Variants in MICALL2 observed in about 807,000 individuals in gnomAD.
MICALL2 encodes the protein MICAL like 2, also known as MICAL-like protein 2.
A neutral mutation model predicts 91.1 loss-of-function variants in MICALL2; 111 were observed. That is an observed-to-expected ratio of 1.22 (90% CI 1.04 to 1.43). The LOEUF (loss-of-function observed/expected upper bound fraction) is 1.43, where lower values mean the gene tolerates loss of function less well. Among genes scored for constraint, MICALL2 ranks in the 40% most tolerant of loss-of-function variants. The pLI, the probability that MICALL2 is intolerant of heterozygous loss-of-function variation, is 0.00. For missense variants in MICALL2, 1,556 were observed against 1,236.0 expected, an observed-to-expected ratio of 1.26 and a Z score of -3.88; for synonymous variants, 694 against 525.3, an observed-to-expected ratio of 1.32 and a Z score of -4.39.
In MICALL2 at chr7:1,445,293, C is replaced by A; in HGVS notation, c.777G>T (p.Gln259His). ...TGGAATCCACACCCATGGCCCCTGG[C>A]TGTCGGGGGACCAGACCCGTCAACT... ...SPKLTGLVPR[Q>H]PGAMGVDSRT... Residue 259 changes from glutamine (Q) to histidine (H), a missense_variant, in exon 6 of 17, where the codon CAG becomes CAT. Transcript: ENST00000297508. The A allele has an allele frequency of 6.2e-7, 1 of 1,612,198 alleles. No individual in the cohort carries two copies. The highest frequency in any genetic ancestry group is 8.5e-7 in the Non-Finnish European group (1 of 1,179,814).
chr7:1,443,403 G>A (rs79010981), intron 6 of MICALL2, among the ~76,000 whole-genome samples: 94 of 152,226 alleles, frequency 6.2e-4, no homozygotes, highest in African/African-American at 1.7e-3. Context: ...TGCACCCCAC[G>A]ATACGGGGCA....
At position 1,436,725 on chromosome 7, in the gene MICALL2, C is replaced by T. The variant is rs749678561; in HGVS notation, c.2591+17G>A. 20 of 1,586,624 alleles carry T rather than the reference C, an allele frequency of 1.3e-5. No homozygotes were observed. The highest frequency in any genetic ancestry group is 2.7e-5 in the African/African-American group (2 of 74,170). On this transcript the variant is annotated intron_variant, in intron 15 of 16. Coordinates refer to ENST00000297508, the MANE Select transcript of MICALL2 (RefSeq NM_182924.4). ...ACCTGGCCTGGCTGGGAGGGGCCCC[C>T]GGCACCTGCCCCTCACCGGAGCCGG...
At chr7:1,435,685 G>A (rs1457476116) in intron 15 of MICALL2, among the ~76,000 whole-genome samples, 1 of 152,290 alleles carries the variant, frequency 6.6e-6, no homozygotes, top group Non-Finnish European at 1.5e-5. Context: ...AGACGAGACA[G>A]GAAAGCTGTC....
At chr7:1,446,938 G>A in intron 4 of MICALL2, 110 bp from the exon 5 acceptor site, 1 of 771,936 alleles carries the variant, frequency 1.3e-6, no homozygotes, top group Admixed American at 2.7e-5. Context: ...GAACTGGCCA[G>A]GAGAGGAGCC....
intron 9 of MICALL2, 66 bp downstream of exon 9, chr7:1,439,859 G>A: frequency 1.2e-5 from 16 of 1,352,904 alleles, no homozygotes; most frequent in Non-Finnish European, 1.5e-5. Flanking sequence ...CCAGTCCCGG[G>A]GCCCCCACCC....
intron 8 of MICALL2, 194 bp from the exon 9 acceptor site, chr7:1,440,279 G>A (rs1780216344): frequency 1.4e-6 from 1 of 696,328 alleles, no homozygotes; most frequent in African/African-American, 1.8e-5. Context: ...ACCTGCCGTG[G>A]TGCGAAGCAG....
chr7:1,455,917 ACCTCAGAGCTGC>A (rs907680774), intron 1 of MICALL2, among the ~76,000 whole-genome samples: 1 of 151,818 alleles, frequency 6.6e-6, no homozygotes, highest in African/African-American at 2.4e-5. Flanking sequence ...ACAGAGTCTG[ACCTCAGAGCTGC>A]CCTGAGAGGA....
intron 14 of MICALL2, 40 bp from the exon 15 acceptor site, chr7:1,436,896 T>C (rs746021465): frequency 4.2e-6 from 6 of 1,414,484 alleles, no homozygotes; most frequent in Non-Finnish European, 5.7e-6. Context: ...CCCCCACCAC[T>C]GCCATGCCCC....
rs1251323456 is a variant in MICALL2 at position 1,439,986 on chromosome 7, G to A, written c.1905C>T (p.Thr635=). The A allele has an allele frequency of 1.3e-6, 2 of 1,539,524 alleles. No individual in the cohort carries two copies. Among genetic ancestry groups the A allele is most frequent in the African/African-American group, 1.4e-5 (1 of 69,732 alleles). ...TCCTGTCAGGCCTCACGGGGGTCAG[G>A]GTGATGTGGACACTCCCAGCAAAGC... ...SGSFAGSVHI[T]LTPVRPDRTP... The change falls in exon 9 of 17, where the codon ACC becomes ACT. Residue 635 remains threonine (T), a synonymous_variant. Transcript: ENST00000297508.
At position 1,434,587 on chromosome 7, in the gene MICALL2, T is replaced by TA; in HGVS notation, c.*8dup. Reference sequence around the variant, plus strand: ...CAGGTCCGGGCCGAGCCCACGGCCCTACTGGCTACTACTGGGAGGGGCTGC... The same window carrying TA: ...CAGGTCCGGGCCGAGCCCACGGCCCTAACTGGCTACTACTGGGAGGGGCTGC... On this transcript the variant is annotated 3_prime_UTR_variant, in exon 17 of 17. Coordinates refer to ENST00000297508, the MANE Select transcript of MICALL2 (RefSeq NM_182924.4). 1 of 1,606,578 alleles carries TA rather than the reference T, an allele frequency of 6.2e-7. No homozygotes were observed. Among genetic ancestry groups the TA allele is most frequent in the South Asian group, 1.1e-5 (1 of 90,344 alleles).
chr7:1,444,044 A>G (rs1173190423), intron 6 of MICALL2, among the ~76,000 whole-genome samples: 1 of 128,376 alleles, frequency 7.8e-6, no homozygotes, highest in Non-Finnish European at 1.7e-5. Flanking sequence ...GTCCACTCAG[A>G]CCCGCCAGCG....
At chr7:1,442,940 C>T (rs1780379024) in intron 6 of MICALL2, among the ~76,000 whole-genome samples, 1 of 152,236 alleles carries the variant, frequency 6.6e-6, no homozygotes, top group South Asian at 2.1e-4. Context: ...TCTCTGGCCC[C>T]GCCAGACACA....
chr7:1,434,493 C>T lies in MICALL2; in HGVS notation c.*103G>A, dbSNP rs748942405. 30 of 1,055,186 alleles carry T rather than the reference C, an allele frequency of 2.8e-5. 1 individual carries two copies. Among genetic ancestry groups the T allele is most frequent in the African/African-American group, 1.9e-4 (12 of 64,454 alleles). 65.4% of individuals were successfully genotyped at this position (1,055,186 alleles called of 1,614,324 possible). ...GAATGCCGGGTCCGGGCCGAGCCCA[C>T]GGCCCCGAGTACAAGTCCGGGTTCC... On this transcript the variant is annotated 3_prime_UTR_variant, in exon 17 of 17. Coordinates refer to ENST00000297508, the MANE Select transcript of MICALL2 (RefSeq NM_182924.4).
At chr7:1,439,350 A>G (rs1780146917) in intron 9 of MICALL2, 1 of 256,294 alleles carries the variant, frequency 3.9e-6, no homozygotes, top group Admixed American at 5.3e-5. Flanking sequence ...ACACACATGC[A>G]TCACATTCAT....
chr7:1,438,011 G>A (rs756960006), intron 12 of MICALL2, 31 bp from the exon 13 acceptor site: 14 of 1,550,016 alleles, frequency 9.0e-6, no homozygotes, highest in Admixed American at 2.0e-5. Flanking sequence ...GGGCAGGGGG[G>A]CCCGCCAGAG....
chr7:1,435,287 G>A (rs1262971204), intron 15 of MICALL2, 140 bp from the exon 16 acceptor site: 1 of 788,074 alleles, frequency 1.3e-6, no homozygotes, highest in Non-Finnish European at 2.1e-6. Flanking sequence ...CTGCTGACAG[G>A]CCACACCTTG....
chr7:1,436,226 C>A (rs1351748016), intron 15 of MICALL2, among the ~76,000 whole-genome samples: 2 of 151,666 alleles, frequency 1.3e-5, no homozygotes, highest in African/African-American at 4.9e-5. Flanking sequence ...CCCGTCTCTA[C>A]CAAAAATACA....
rs1780212369 is a variant in MICALL2 at position 1,440,196 on chromosome 7, T to G, written c.1806-111A>C. On this transcript the variant is annotated intron_variant, in intron 8 of 16. Transcript: ENST00000297508. ...CAGCCGGAGGGAGCAGGTGGCCTTC[T>G]GAGCAAATGCCACCTCCCAGCCCAC... is the stretch of plus-strand genomic sequence containing the variant. 10 of 1,341,180 alleles carry G rather than the reference T, an allele frequency of 7.5e-6. No homozygotes were observed. The South Asian group carries it at 1.4e-4, about 18-fold the overall frequency. The allele number at this position is 1,341,180 out of a possible 1,614,324, so 83.1% of individuals were successfully genotyped here.
intron 1 of MICALL2, 130 bp downstream of exon 1, chr7:1,459,054 C>G (rs1289173192): frequency 1.1e-6 from 1 of 914,806 alleles, no homozygotes; most frequent in Non-Finnish European, 1.6e-6. Context: ...GGGGGCTGCA[C>G]GGTGGGCTGT....
Sources: allele counts gnomAD v4.1 joint callset (sites outside exome capture counted in the v4.1 genomes callset), GRCh38; gene constraint gnomAD v4.1.1; transcripts MANE v1.5; gene names NCBI Gene and HGNC (gene_info 2026-07-23, HGNC 2026-07-21).